The following RASGRP3 variants were observed in gnomAD, a reference collection of about 807,000 sequenced individuals.
The protein encoded by RASGRP3 is ras guanyl-releasing protein 3.
In RASGRP3, 54 loss-of-function variants were observed where a neutral mutation model predicts 82.7. That is an observed-to-expected ratio of 0.65 (90% confidence interval 0.52 to 0.82). The LOEUF (loss-of-function observed/expected upper bound fraction) is 0.82, where lower values mean the gene tolerates loss of function less well. Ranked by LOEUF, RASGRP3 falls within the 40% of genes least tolerant of loss-of-function variation. RASGRP3 has a pLI of 0.00. For synonymous variants in RASGRP3, 309 were observed against 300.5 expected (o/e 1.03, Z -0.29); for missense variants, 861 against 828.9 (o/e 1.04, Z -0.48).
intron 7 of RASGRP3, among the ~76,000 whole-genome samples, chr2:33,522,674 C>G (rs566024191): frequency 6.6e-6 from 1 of 152,310 alleles, no homozygotes; most frequent in African/African-American, 2.4e-5. Flanking sequence ...GCCTCCTGCT[C>G]TCTCTCCTCC....
chr2:33,448,617 A>G (rs1490356589), intron 2 of RASGRP3, among the ~76,000 whole-genome samples: 1 of 152,170 alleles, frequency 6.6e-6, no homozygotes, highest in Admixed American at 6.5e-5. Flanking sequence ...CAATATGCAG[A>G]TTCATAGAAA....
intron 1 of RASGRP3, among the ~76,000 whole-genome samples, chr2:33,504,025 C>A (rs1272133538): frequency 6.6e-6 from 1 of 152,188 alleles, no homozygotes; most frequent in Non-Finnish European, 1.5e-5. Context: ...TGACCCCAAT[C>A]ATTTTCTCTG....
At chr2:33,480,275 C>T (rs1667775423) in intron 1 of RASGRP3, among the ~76,000 whole-genome samples, 1 of 152,130 alleles carries the variant, frequency 6.6e-6, no homozygotes, top group South Asian at 2.1e-4. Context: ...GATCTCCTGA[C>T]CTGGTGATCC....
rs951322054 is a variant in RASGRP3, at chr2:33,477,190, T to C, written c.-261+483T>C. 2.6e-5 allele frequency among the ~76,000 whole-genome samples: 4 copies of C among 152,236 alleles called. No homozygotes were observed. The East Asian group carries it at 7.7e-4, about 29-fold the overall frequency. ...ATTGTATGGCTGATTTGATTTTTCC[T>C]ATTCAATTTTTGAGAATATCTCATT... On this transcript the variant is annotated intron_variant, in intron 1 of 17. Transcript: ENST00000403687.
intron 2 of RASGRP3, among the ~76,000 whole-genome samples, chr2:33,450,123 C>A (rs1297097918): frequency 1.3e-5 from 2 of 152,100 alleles, no homozygotes; most frequent in Non-Finnish European, 2.9e-5. Context: ...TATTGACAAA[C>A]TAAAATTGTA....
At chr2:33,505,455 A>G (rs1472089175) in intron 1 of RASGRP3, among the ~76,000 whole-genome samples, 1 of 151,992 alleles carries the variant, frequency 6.6e-6, no homozygotes, top group African/African-American at 2.4e-5. Context: ...GGCATGAGCC[A>G]CCACTCCCGG....
intron 2 of RASGRP3, among the ~76,000 whole-genome samples, chr2:33,514,450 C>T (rs972505073): frequency 1.0e-4 from 13 of 127,656 alleles, no homozygotes; most frequent in African/African-American, 3.5e-4. Context: ...AGGTAGATTG[C>T]TTGAACTCAG....
chr2:33,505,421 G>C (rs1396715449), intron 1 of RASGRP3, among the ~76,000 whole-genome samples: 1 of 151,674 alleles, frequency 6.6e-6, no homozygotes, highest in East Asian at 1.9e-4. Flanking sequence ...TCCTGCCTCA[G>C]CCTCCTGAGT....
intron 2 of RASGRP3, among the ~76,000 whole-genome samples, chr2:33,465,854 G>A (rs1326052481): frequency 2.0e-5 from 3 of 151,836 alleles, no homozygotes. Context: ...TAAGAATCAT[G>A]CTAAATCTAT....
At chr2:33,473,338 G>A (rs532759627), upstream of RASGRP3, among the ~76,000 whole-genome samples, 5 of 151,862 alleles carry the variant, frequency 3.3e-5, no homozygotes, top group Non-Finnish European at 7.4e-5. Flanking sequence ...AGCCGAGATC[G>A]CGCCACCACA....
At chr2:33,561,810 G>C (rs1461249956) in intron 17 of RASGRP3, among the ~76,000 whole-genome samples, 1 of 151,924 alleles carries the variant, frequency 6.6e-6, no homozygotes, top group East Asian at 1.9e-4. Context: ...AAAATATAAG[G>C]GTACGAACAT....
At chr2:33,440,709 T>C (rs1353664361) in intron 1 of RASGRP3, among the ~76,000 whole-genome samples, 1 of 152,198 alleles carries the variant, frequency 6.6e-6, no homozygotes, top group African/African-American at 2.4e-5. Flanking sequence ...TAGTGGCTCA[T>C]TTTAAATTTT....
intron 1 of RASGRP3, among the ~76,000 whole-genome samples, chr2:33,500,432 A>G (rs541033783): frequency 1.1e-4 from 16 of 152,260 alleles, no homozygotes; most frequent in Non-Finnish European, 1.9e-4. Context: ...ACGGGATGAC[A>G]GCTTGAACCC....
chr2:33,508,783 T>C (rs1267647657), intron 1 of RASGRP3, among the ~76,000 whole-genome samples: 2 of 152,236 alleles, frequency 1.3e-5, no homozygotes, highest in Non-Finnish European at 2.9e-5. Context: ...TGTTTGTTTT[T>C]TATTGTTGTT....
At position 33,461,038 on chromosome 2, in the gene RASGRP3, C is replaced by T. The variant is rs74557930; in HGVS notation, c.-261+13095C>T. On this transcript the variant is annotated intron_variant, in intron 2 of 18. Coordinates refer to the RASGRP3 transcript ENST00000402538. ...TCTGCATTGATTTCTCACTGCCACG[C>T]GTTTATTTCCATCAACCAAGAAGAT... Among the ~76,000 whole-genome samples the T allele has an allele frequency of 4.3e-3, 659 of 152,288 alleles. 9 individuals carry two copies. Among genetic ancestry groups the T allele is most frequent in the South Asian group, 0.026 (127 of 4,824 alleles).
chr2:33,507,732 G>A (rs1014537262), intron 1 of RASGRP3, among the ~76,000 whole-genome samples: 4 of 152,058 alleles, frequency 2.6e-5, no homozygotes, highest in Admixed American at 1.3e-4. Flanking sequence ...CACCATGTTG[G>A]CCAGGCTGGT....
chr2:33,492,811 G>A (rs538384957), intron 1 of RASGRP3, among the ~76,000 whole-genome samples: 8 of 152,298 alleles, frequency 5.3e-5, no homozygotes, highest in Non-Finnish European at 8.8e-5. Flanking sequence ...GCCCTGGCCC[G>A]TAATGTAGCT....
chr2:33,540,556 TTGTGTGTGTGTGTGTGTGTG>T (rs377215232), intron 12 of RASGRP3, among the ~76,000 whole-genome samples: 3 of 38,624 alleles, frequency 7.8e-5, no homozygotes, highest in Non-Finnish European at 9.0e-5. Context: ...TGTGTGTGTT[TTGTGTGTGTGTGTGTGTGTG>T]TGTGTGTGTG....
Position 33,562,865 on chromosome 2 carries a change from C to T in RASGRP3, c.*128C>T, listed in dbSNP as rs932411096. On this transcript the variant is annotated 3_prime_UTR_variant, in exon 18 of 18. Coordinates refer to ENST00000403687, the MANE Select transcript of RASGRP3 (RefSeq NM_001139488.2). Reference sequence around the variant, plus strand: ...TACCTGGATGTTTACTGCCTTGGGACACTGTGGGATCTCCATGTTTGGACT... The same window carrying T: ...TACCTGGATGTTTACTGCCTTGGGATACTGTGGGATCTCCATGTTTGGACT... 7.3e-6 allele frequency: 9 copies of T among 1,235,102 alleles called. No individual in the cohort carries two copies. Among genetic ancestry groups the T allele is most frequent in the South Asian group, 4.0e-5 (3 of 74,754 alleles). The allele number at this position is 1,235,102 out of a possible 1,614,324, so 76.5% of individuals were successfully genotyped here.
Sources: gnomAD v4.1 joint callset for allele counts (sites outside exome capture counted in the v4.1 genomes callset) on GRCh38, gnomAD v4.1.1 for gene constraint, MANE v1.5 for transcripts, NCBI Gene and HGNC (gene_info 2026-07-23, HGNC 2026-07-21) for gene names.